Variants in MCC observed in about 807,000 individuals in gnomAD.
MCC encodes MCC regulator of Wnt signaling pathway, also known as colorectal mutant cancer protein.
A neutral mutation model predicts 116.2 loss-of-function variants in MCC; 90 were observed. The observed-to-expected ratio is 0.77, with a 90% CI of 0.65 to 0.92. The LOEUF is 0.92. Ranked by LOEUF, MCC falls within the 40% of genes least tolerant of loss-of-function variation. The probability of loss-of-function intolerance (pLI) is 0.00; values close to 1 mark genes in which losing one functional copy is unlikely to be tolerated. For missense variants in MCC, 1,516 were observed against 1,312.2 expected (o/e 1.16, Z -2.40); for synonymous variants, 578 against 510.5 (o/e 1.13, Z -1.78).
chr5:113,072,357 T>C (rs1482676679), intron 11 of MCC, among the ~76,000 whole-genome samples: 1 of 152,196 alleles, frequency 6.6e-6, no homozygotes, highest in Non-Finnish European at 1.5e-5. Context: ...CAAGGTAAGG[T>C]GCCACAAGAA....
intron 3 of MCC, among the ~76,000 whole-genome samples, chr5:113,158,499 A>G (rs1022007550): frequency 1.1e-4 from 17 of 152,238 alleles, no homozygotes; most frequent in African/African-American, 4.1e-4. Flanking sequence ...ATCTGCGAAT[A>G]TTCTTGAGAA....
intron 14 of MCC, among the ~76,000 whole-genome samples, chr5:113,055,906 T>C (rs1406350587): frequency 6.6e-6 from 1 of 152,152 alleles, no homozygotes; most frequent in Admixed American, 6.5e-5. Flanking sequence ...AGGGAAAAAA[T>C]TCTTCCTCCA....
intron 17 of MCC, among the ~76,000 whole-genome samples, chr5:113,030,046 T>C (rs562376457): frequency 3.9e-5 from 6 of 152,306 alleles, no homozygotes; most frequent in African/African-American, 1.4e-4. Flanking sequence ...ATGTATTTGA[T>C]TCTTTGGGCA....
At position 113,196,237 on chromosome 5, in the gene MCC, A is replaced by C. The variant is rs147159335; in HGVS notation, c.628-44815T>G. Among the ~76,000 whole-genome samples the C allele has an allele frequency of 1.2e-3, 188 of 152,316 alleles. 3 individuals are homozygous for C. Among genetic ancestry groups the C allele is most frequent in the African/African-American group, 4.3e-3 (177 of 41,570 alleles). The stretch of plus-strand genomic sequence containing the variant: ...ACACCTAGTGCTGGGTTTTAGAAGC[A>C]TTGCTGGATGGATGAATGACCCTCT... On this transcript the variant is annotated intron_variant, in intron 3 of 18. Transcript: ENST00000408903.
rs1196646997 is a variant in MCC at position 113,082,961 on chromosome 5, G to A, written c.1683C>T (p.Cys561=). ...TTTGGAAAATCTCTTGGATATTGGA[G>A]CAGTCCTGAAGTGAGTGGGCCAGGT... ...AEHLAHSLQD[C]SNIQEIFQTL... Residue 561 remains cysteine, a synonymous_variant, in exon 11 of 19, where the codon TGC becomes TGT. Coordinates refer to ENST00000408903, the MANE Select transcript of MCC (RefSeq NM_001085377.2). 1 of 1,614,074 alleles carries A rather than the reference G, an allele frequency of 6.2e-7. No homozygotes were observed. Among genetic ancestry groups the A allele is most frequent in the Non-Finnish European group, 8.5e-7 (1 of 1,180,008 alleles).
At chr5:113,294,440 T>C (rs1766641378) in intron 3 of MCC, 1 of 1,612,376 alleles carries the variant, frequency 6.2e-7, no homozygotes, top group Non-Finnish European at 8.5e-7. Flanking sequence ...GCTTAAGAGT[T>C]GGACTTCACA....
chr5:113,103,510 T>C (rs1756554893), intron 7 of MCC, among the ~76,000 whole-genome samples: 1 of 152,254 alleles, frequency 6.6e-6, no homozygotes, highest in Non-Finnish European at 1.5e-5. Flanking sequence ...TGAAGAAAGA[T>C]GGAAAACCAG....
intron 2 of MCC, among the ~76,000 whole-genome samples, chr5:113,371,674 A>C (rs1768839886): frequency 6.6e-6 from 1 of 152,244 alleles, no homozygotes; most frequent in Non-Finnish European, 1.5e-5. Flanking sequence ...AATTCTTCCA[A>C]AACAACCATA....
At position 113,047,835 on chromosome 5, in the gene MCC, G is replaced by GAA. The variant is rs5870525; in HGVS notation, c.2655+1256_2655+1257dup. On this transcript the variant is annotated intron_variant, in intron 16 of 18. Coordinates refer to ENST00000408903, the MANE Select transcript of MCC (RefSeq NM_001085377.2). The stretch of plus-strand genomic sequence containing the variant: ...GATAATGGAATGAACTTGGATTCCA[G>GAA]AAAAAAAAAAAAACACCTGGGGGCT... Among the ~76,000 whole-genome samples the GAA allele has an allele frequency of 2.3e-3, 320 of 141,128 alleles. 1 individual carries two copies. The highest frequency in any genetic ancestry group is 3.9e-3 in the African/African-American group (149 of 37,990). The allele number at this position is 141,128 out of a possible 152,430, so 92.6% of individuals were successfully genotyped here.
At position 113,049,207 on chromosome 5, in the gene MCC, C is replaced by T; in HGVS notation, c.2541G>A (p.Glu847=). ...GCTCAATGTGCACCAGGTAGGCCTG[C>T]TCCTGGGCCTCCCGCGTGCTCAGCT... is the stretch of plus-strand genomic sequence containing the variant. The part of the protein sequence containing the change: ...ELKLSTREAQ[E]QAYLVHIEHL... The change falls in exon 16 of 19, where the codon GAG becomes GAA. Residue 847 remains glutamate (E), a synonymous_variant. Transcript: ENST00000408903. The T allele has an allele frequency of 6.2e-7, 1 of 1,614,130 alleles. No homozygotes were observed. The highest frequency in any genetic ancestry group is 8.5e-7 in the Non-Finnish European group (1 of 1,180,006).
In MCC at chr5:113,220,057, C is replaced by CTTT. The variant is rs1229213218; in HGVS notation, c.628-68638_628-68636dup. Among the ~76,000 whole-genome samples, 27 of 79,456 alleles carry CTTT rather than the reference C, an allele frequency of 3.4e-4. 1 individual carries two copies. Among genetic ancestry groups the CTTT allele is most frequent in the South Asian group, 7.1e-4 (1 of 1,418 alleles). 52.1% of individuals were successfully genotyped at this position (79,456 alleles called of 152,430 possible). The stretch of plus-strand genomic sequence containing the variant: ...AACTTTGGAATCTGCATGTCAATTT[C>CTTT]TTTTTCTTTTTTTTTTTTGAGACGG... On this transcript the variant is annotated intron_variant, in intron 3 of 18. Transcript: ENST00000408903.
intron 1 of MCC, among the ~76,000 whole-genome samples, chr5:113,415,550 T>A (rs1219489261): frequency 7.2e-5 from 11 of 152,238 alleles, no homozygotes; most frequent in Non-Finnish European, 1.6e-4. Context: ...TTCTTCCACT[T>A]GATCGAATTG....
intron 6 of MCC, among the ~76,000 whole-genome samples, chr5:113,106,153 C>T (rs890449401): frequency 4.9e-5 from 7 of 142,042 alleles, no homozygotes; most frequent in East Asian, 2.1e-4. Context: ...TTCACTATGC[C>T]CCATTCACAC....
chr5:113,347,925 A>T (rs890945577), intron 2 of MCC, among the ~76,000 whole-genome samples: 3 of 152,134 alleles, frequency 2.0e-5, no homozygotes, highest in African/African-American at 7.2e-5. Flanking sequence ...TAGTAGCTCT[A>T]CTTGTATCAG....
At chr5:113,221,197 C>CTG (rs1345562727) in intron 3 of MCC, among the ~76,000 whole-genome samples, 1 of 152,278 alleles carries the variant, frequency 6.6e-6, no homozygotes, top group South Asian at 2.1e-4. Flanking sequence ...CAGTGAGACG[C>CTG]TGTCATAAAA....
intron 5 of MCC, among the ~76,000 whole-genome samples, chr5:113,129,497 C>T (rs1345715696): frequency 6.6e-6 from 1 of 152,164 alleles, no homozygotes; most frequent in African/African-American, 2.4e-5. Context: ...CTAGATCCTC[C>T]AAGATCAAGG....
chr5:113,043,092 G>C (rs13356491), intron 17 of MCC, among the ~76,000 whole-genome samples: 20,778 of 152,130 alleles, frequency 0.14, 1,488 homozygotes, highest in Non-Finnish European at 0.17. Context: ...GCGGTGAGGG[G>C]AAAGAAACAC....
At position 113,434,717 on chromosome 5, in the gene MCC, C is replaced by G; in HGVS notation, c.171-49505G>C. The G allele has an allele frequency of 6.2e-7, 1 of 1,614,126 alleles. No homozygotes were observed. On this transcript the variant is annotated intron_variant, in intron 1 of 18. Transcript: ENST00000408903. This position sits in a 1 kb window ranked among gnomAD's most constrained non-coding sequence, Gnocchi z 4.2. ...CGGGGGCCTTCTTGCGGTCGATGAT[C>G]TTGATCGCCACATTGAACTTCAGGC...
chr5:113,060,746 G>C (rs945031283), intron 14 of MCC, among the ~76,000 whole-genome samples: 1 of 152,206 alleles, frequency 6.6e-6, no homozygotes, highest in African/African-American at 2.4e-5. Context: ...TAAGTGATGA[G>C]GACATTTGAG....
Sources: gnomAD v4.1 joint callset for allele counts (sites outside exome capture counted in the v4.1 genomes callset) on GRCh38, gnomAD v4.1.1 for gene constraint, Gnocchi (gnomAD v3.1) non-coding constraint, MANE v1.5 for transcripts, NCBI Gene and HGNC (gene_info 2026-07-23, HGNC 2026-07-21) for gene names.